The following ZFAND6 variants were observed in gnomAD, a reference collection of about 807,000 sequenced individuals.
The protein encoded by ZFAND6 is zinc finger AN1-type containing 6.
In ZFAND6, 12 loss-of-function variants were observed where a neutral mutation model predicts 24.5. The ratio of observed to expected loss-of-function variants is 0.49; its 90% CI spans 0.31 to 0.79. The LOEUF is 0.79. Among genes scored for constraint, ZFAND6 ranks in the 30% least tolerant of loss-of-function variants. ZFAND6 has a pLI of 0.04. For missense variants in ZFAND6, 207 were observed against 245.9 expected, an observed-to-expected ratio of 0.84 and a Z score of 1.06; for synonymous variants, 92 against 81.5, an observed-to-expected ratio of 1.13 and a Z score of -0.69.
chr15:80,134,627 A>G (rs1044603816), intron 6 of ZFAND6, among the ~76,000 whole-genome samples: 1 of 152,220 alleles, frequency 6.6e-6, no homozygotes, highest in African/African-American at 2.4e-5. Flanking sequence ...GGAAATCATG[A>G]TAGAGATTGT....
At chr15:80,087,767 G>C in intron 1 of ZFAND6, among the ~76,000 whole-genome samples, 1 of 152,064 alleles carries the variant, frequency 6.6e-6, no homozygotes, top group East Asian at 1.9e-4. Flanking sequence ...ACAGTACAAG[G>C]AGCTTTCATA....
intron 2 of ZFAND6, 78 bp from the exon 3 acceptor site, chr15:80,120,250 C>A: frequency 1.6e-6 from 2 of 1,212,900 alleles, no homozygotes; most frequent in Non-Finnish European, 2.2e-6. Flanking sequence ...TTTTCTTTAT[C>A]ATATAAAAGC....
intron 4 of ZFAND6, 21 bp from the exon 5 acceptor site, chr15:80,122,679 T>A: frequency 6.6e-7 from 1 of 1,518,430 alleles, no homozygotes; most frequent in Non-Finnish European, 9.1e-7. Flanking sequence ...CCTTTTAAAA[T>A]GAAATATTTT....
chr15:80,094,075 CA>C (rs773400949), intron 1 of ZFAND6, among the ~76,000 whole-genome samples: 6 of 152,178 alleles, frequency 3.9e-5, no homozygotes, highest in African/African-American at 1.2e-4. Context: ...TGTGTGGAAA[CA>C]AGATAAGGAA....
At chr15:80,076,490 A>C (rs1021223523) in intron 1 of ZFAND6, among the ~76,000 whole-genome samples, 7 of 152,048 alleles carry the variant, frequency 4.6e-5, no homozygotes, top group African/African-American at 1.7e-4. Context: ...TGTATAATAC[A>C]TTCTTTACTG....
chr15:80,098,278 T>C (rs1482715361), intron 1 of ZFAND6, 138 bp from the exon 2 acceptor site: 2 of 152,240 alleles, frequency 1.3e-5, no homozygotes, highest in Non-Finnish European at 2.9e-5. Flanking sequence ...TTGGAATGTT[T>C]TTATTTTTCA....
intron 5 of ZFAND6, among the ~76,000 whole-genome samples, chr15:80,124,958 A>T (rs1042473562): frequency 6.6e-6 from 1 of 152,192 alleles, no homozygotes; most frequent in Non-Finnish European, 1.5e-5. Flanking sequence ...AAATATAAAC[A>T]TGTATGTTTG....
At chr15:80,121,957 T>A in intron 4 of ZFAND6, 137 bp downstream of exon 4, 1 of 723,400 alleles carries the variant, frequency 1.4e-6, no homozygotes, top group Non-Finnish European at 2.2e-6. Flanking sequence ...TGATTATAAC[T>A]AGTTAGAAAA....
chr15:80,083,193 G>A (rs946279093), intron 1 of ZFAND6, among the ~76,000 whole-genome samples: 1 of 152,012 alleles, frequency 6.6e-6, no homozygotes, highest in East Asian at 1.9e-4. Context: ...GGGTTTCACC[G>A]TGTTAGCTGG....
chr15:80,071,068 G>A (rs1275864139), intron 1 of ZFAND6, among the ~76,000 whole-genome samples: 1 of 151,908 alleles, frequency 6.6e-6, no homozygotes, highest in Non-Finnish European at 1.5e-5. Flanking sequence ...CCACTTAAAG[G>A]GCATAATAGA....
intron 1 of ZFAND6, among the ~76,000 whole-genome samples, chr15:80,071,802 T>C (rs966513640): frequency 7.9e-5 from 12 of 151,858 alleles, no homozygotes; most frequent in African/African-American, 2.7e-4. Context: ...TACCTGAACA[T>C]GTCATTAGAA....
chr15:80,102,788 C>A (rs988488430), intron 2 of ZFAND6, among the ~76,000 whole-genome samples: 1 of 151,898 alleles, frequency 6.6e-6, no homozygotes, highest in Non-Finnish European at 1.5e-5. Flanking sequence ...AGGGGAGATA[C>A]CAAAGGATAG....
At chr15:80,090,508 A>G (rs988904652) in intron 1 of ZFAND6, among the ~76,000 whole-genome samples, 1 of 152,238 alleles carries the variant, frequency 6.6e-6, no homozygotes, top group Non-Finnish European at 1.5e-5. Context: ...AACATTTATC[A>G]TGGGACCCCT....
At chr15:80,128,129 A>T (rs1341351217) in intron 5 of ZFAND6, among the ~76,000 whole-genome samples, 1 of 152,252 alleles carries the variant, frequency 6.6e-6, no homozygotes, top group East Asian at 1.9e-4. Flanking sequence ...TGTCTAAAAC[A>T]GGCTAGTCAT....
upstream of ZFAND6, among the ~76,000 whole-genome samples, chr15:80,058,997 C>A (rs1442426680): frequency 1.3e-5 from 2 of 152,262 alleles, no homozygotes; most frequent in Non-Finnish European, 2.9e-5. Flanking sequence ...TGGGAACTGA[C>A]CCCGTGCTTT....
At chr15:80,107,657 T>C (rs2039404156) in intron 2 of ZFAND6, among the ~76,000 whole-genome samples, 1 of 151,982 alleles carries the variant, frequency 6.6e-6, no homozygotes, top group Non-Finnish European at 1.5e-5. Flanking sequence ...AAACCCTGTC[T>C]CTCCTAAAAA....
At chr15:80,123,235 A>G (rs543107246) in intron 5 of ZFAND6, among the ~76,000 whole-genome samples, 35 of 152,138 alleles carry the variant, frequency 2.3e-4, no homozygotes, top group Non-Finnish European at 4.3e-4. Flanking sequence ...CCATGTGTGC[A>G]ATAGTCACAT....
chr15:80,121,905 G>A (rs187831341), intron 4 of ZFAND6, 85 bp downstream of exon 4: 18 of 1,142,540 alleles, frequency 1.6e-5, no homozygotes, highest in African/African-American at 1.1e-4. Flanking sequence ...GGAAAACTAC[G>A]TAAAGCTACT....
chr15:80,062,012 C>A (rs2036360380), intron 1 of ZFAND6, among the ~76,000 whole-genome samples: 1 of 152,158 alleles, frequency 6.6e-6, no homozygotes, highest in South Asian at 2.1e-4. Flanking sequence ...TAATGACTCT[C>A]TTACTTTGAA....
Sources: gnomAD v4.1 joint callset for allele counts (sites outside exome capture counted in the v4.1 genomes callset) on GRCh38, gnomAD v4.1.1 for gene constraint, MANE v1.5 for transcripts, NCBI Gene and HGNC (gene_info 2026-07-23, HGNC 2026-07-21) for gene names.